LDLRAD3: variants seen among roughly 807,000 people sequenced by gnomAD.
LDLRAD3 encodes low density lipoprotein receptor class A domain containing 3.
Under a neutral mutation model 29.4 loss-of-function variants are expected in LDLRAD3, and 20 were observed. That is an observed-to-expected ratio of 0.68 (90% CI 0.48 to 0.99). LDLRAD3 has a LOEUF of 0.99. LDLRAD3 is among the 50% of genes least tolerant of loss of function. LDLRAD3 has a pLI of 0.00. For synonymous variants in LDLRAD3, 157 were observed against 192.7 expected, an observed-to-expected ratio of 0.81 and a Z score of 1.53; for missense variants, 420 against 454.3, an observed-to-expected ratio of 0.92 and a Z score of 0.69.
chr11:36,030,435 A>AGTGTGT lies in LDLRAD3; in HGVS notation c.47-5633_47-5628dup, dbSNP rs3080139. 4.1e-5 allele frequency among the ~76,000 whole-genome samples: 6 copies of AGTGTGT among 147,806 alleles called. No individual in the cohort carries two copies. The South Asian group carries it at 1.1e-3, about 28-fold the overall frequency. ...CTCACTGGCCTGTGCCTGTGCATGG[A>AGTGTGT]GTGTGTGTGTGTGTGTGTGTGTGTG... is the stretch of plus-strand genomic sequence containing the variant. On this transcript the variant is annotated intron_variant, in intron 1 of 5. Transcript: ENST00000315571.
chr11:36,051,763 G>GAAAAGA (rs1372768672), intron 2 of LDLRAD3, among the ~76,000 whole-genome samples: 3 of 129,028 alleles, frequency 2.3e-5, no homozygotes, highest in East Asian at 2.5e-4. Context: ...CAAAAAGAAA[G>GAAAAGA]AAAAGAAAAA....
chr11:35,985,898 T>C lies in LDLRAD3; in HGVS notation c.46+41754T>C, dbSNP rs554558732. Among the ~76,000 whole-genome samples, 9 of 151,812 alleles carry C rather than the reference T, an allele frequency of 5.9e-5. No homozygotes were observed. In the East Asian group the frequency reaches 1.7e-3, roughly 29 times the overall value. ...CTCGGGTATGTCTTTATTAGCACCG[T>C]GAGAACAGACTAATACAGTGGAGTT... On this transcript the variant is annotated intron_variant, in intron 1 of 5. Coordinates refer to ENST00000315571, the MANE Select transcript of LDLRAD3 (RefSeq NM_174902.4).
chr11:35,975,362 C>T (rs1048449835), intron 1 of LDLRAD3, among the ~76,000 whole-genome samples: 2 of 152,144 alleles, frequency 1.3e-5, no homozygotes, highest in Non-Finnish European at 2.9e-5. Flanking sequence ...GCAGTAATAG[C>T]AAAGCTGTGG....
chr11:36,159,231 C>G (rs370540718), intron 4 of LDLRAD3, among the ~76,000 whole-genome samples: 31 of 152,212 alleles, frequency 2.0e-4, no homozygotes, highest in East Asian at 1.7e-3. Flanking sequence ...ACTTAGGACA[C>G]GAAGGCCGAA....
intron 4 of LDLRAD3, among the ~76,000 whole-genome samples, chr11:36,198,921 G>C (rs1031067138): frequency 6.6e-6 from 1 of 151,454 alleles, no homozygotes; most frequent in Non-Finnish European, 1.5e-5. Context: ...TTTTTTTGGA[G>C]ATGGAGTCTC....
rs56354406 is a variant in LDLRAD3, at chr11:36,204,498, C to CTT, written c.455-22574_455-22573dup. ...ATGTCATTGGAGTTTCTCTCTCTTT[C>CTT]TTTTTTTTTTTTTTGAGATGAAGTC... On this transcript the variant is annotated intron_variant, in intron 4 of 5. Transcript: ENST00000315571. 1.5e-3 allele frequency among the ~76,000 whole-genome samples: 216 copies of CTT among 145,112 alleles called. 1 individual carries two copies. The highest frequency in any genetic ancestry group is 3.8e-3 in the African/African-American group (148 of 39,046).
chr11:36,098,350 A>G lies in LDLRAD3; in HGVS notation c.343A>G (p.Thr115Ala), dbSNP rs374622108. 1.2e-6 allele frequency: 2 copies of G among 1,614,016 alleles called. No individual in the cohort carries two copies. Among genetic ancestry groups the G allele is most frequent in the Admixed American group, 1.7e-5 (1 of 60,008 alleles). The change falls in exon 4 of 6, where the codon ACC (threonine) becomes GCC (alanine). Residue 115 changes from threonine to alanine, a missense_variant. Transcript: ENST00000315571. ...AGCAGCAAACCCTCTGCTTTGCTCC[A>G]CCGCCCGCTACCACTGCAAGAACGG... ...NCTANPLLCSTARYHCKNGLC... is the reference protein window; with the variant it reads ...NCTANPLLCSAARYHCKNGLC...
intron 4 of LDLRAD3, among the ~76,000 whole-genome samples, chr11:36,109,772 C>A (rs539012345): frequency 1.3e-5 from 2 of 151,814 alleles, no homozygotes; most frequent in African/African-American, 2.4e-5. Context: ...AAATAGTCTG[C>A]GTTTAGGGGA....
intron 2 of LDLRAD3, among the ~76,000 whole-genome samples, chr11:36,070,075 G>T (rs917217385): frequency 6.6e-6 from 1 of 152,170 alleles, no homozygotes; most frequent in Non-Finnish European, 1.5e-5. Context: ...ACATGCAGAG[G>T]CTCCTTTACC....
chr11:36,022,185 G>A (rs764896835), intron 1 of LDLRAD3, among the ~76,000 whole-genome samples: 55 of 152,104 alleles, frequency 3.6e-4, no homozygotes, highest in Non-Finnish European at 7.6e-4. Context: ...GTTCAGGGTG[G>A]ATCCTTTTAC....
intron 1 of LDLRAD3, among the ~76,000 whole-genome samples, chr11:35,945,446 CAGGG>C (rs1851044951): frequency 6.6e-6 from 1 of 152,178 alleles, no homozygotes; most frequent in South Asian, 2.1e-4. Flanking sequence ...GCTGGGCTTC[CAGGG>C]AGGGACTAGA....
intron 4 of LDLRAD3, among the ~76,000 whole-genome samples, chr11:36,176,617 T>C (rs540073093): frequency 1.3e-5 from 2 of 152,332 alleles, no homozygotes; most frequent in East Asian, 1.9e-4. Context: ...ATAATTGTTT[T>C]GTTTAATCAG....
intron 4 of LDLRAD3, among the ~76,000 whole-genome samples, chr11:36,225,225 C>T (rs897474906): frequency 1.3e-5 from 2 of 152,214 alleles, no homozygotes; most frequent in African/African-American, 4.8e-5. Flanking sequence ...CTCACTGCCT[C>T]ACAGGCAGAA....
chr11:36,108,820 A>C (rs1490483819), intron 4 of LDLRAD3, among the ~76,000 whole-genome samples: 1 of 152,314 alleles, frequency 6.6e-6, no homozygotes, highest in Admixed American at 6.5e-5. Context: ...ATCTAGAAAA[A>C]TGGTTGCCAT....
intron 4 of LDLRAD3, among the ~76,000 whole-genome samples, chr11:36,216,909 CA>C: frequency 6.6e-6 from 1 of 152,252 alleles, no homozygotes; most frequent in Middle Eastern, 3.4e-3. Context: ...ATAAATGGGA[CA>C]GAGGAGAGGA....
intron 1 of LDLRAD3, among the ~76,000 whole-genome samples, chr11:35,989,222 T>C (rs531585051): frequency 2.6e-5 from 4 of 152,304 alleles, no homozygotes; most frequent in Admixed American, 1.3e-4. Context: ...TTCTGTTCCA[T>C]TGGTTTATGT....
intron 1 of LDLRAD3, among the ~76,000 whole-genome samples, chr11:35,991,867 T>TGTG (rs1565147663): frequency 0.017 from 1,407 of 82,762 alleles, 31 homozygotes; most frequent in African/African-American, 0.04. Context: ...GAATGGTTGT[T>TGTG]TGTGTGTGTG....
chr11:36,032,107 AC>A (rs1279897683), intron 1 of LDLRAD3, among the ~76,000 whole-genome samples: 1 of 152,098 alleles, frequency 6.6e-6, no homozygotes, highest in Non-Finnish European at 1.5e-5. Context: ...ATTAGGGCCC[AC>A]CCTAATGCCA....
chr11:36,078,949 G>T (rs1183702085), intron 2 of LDLRAD3, among the ~76,000 whole-genome samples: 5 of 152,184 alleles, frequency 3.3e-5, no homozygotes, highest in African/African-American at 1.2e-4. Flanking sequence ...CTGGGTGCTC[G>T]CAGGCCCCTG....
Sources: allele counts gnomAD v4.1 joint callset (sites outside exome capture counted in the v4.1 genomes callset), GRCh38; gene constraint gnomAD v4.1.1; transcripts MANE v1.5; gene names NCBI Gene and HGNC (gene_info 2026-07-23, HGNC 2026-07-21).